DPYD: variants seen among roughly 807,000 people sequenced by gnomAD.
The protein encoded by DPYD is dihydropyrimidine dehydrogenase, also known as dihydropyrimidine dehydrogenase [NADP(+)].
In DPYD, 109 loss-of-function variants were observed where a neutral mutation model predicts 116.2. The observed-to-expected ratio is 0.94, with a 90% CI of 0.80 to 1.10. The LOEUF is 1.10. Among genes scored for constraint, DPYD ranks in the 50% least tolerant of loss-of-function variants. The probability of loss-of-function intolerance (pLI) is 0.00; values close to 1 mark genes in which losing one functional copy is unlikely to be tolerated. For synonymous variants in DPYD, 440 were observed against 432.0 expected, an observed-to-expected ratio of 1.02 and a Z score of -0.23; for missense variants, 1,302 against 1,254.5, an observed-to-expected ratio of 1.04 and a Z score of -0.57.
chr1:97,634,586 G>C (rs1657457026), intron 8 of DPYD, among the ~76,000 whole-genome samples: 1 of 152,054 alleles, frequency 6.6e-6, no homozygotes, highest in African/African-American at 2.4e-5. Flanking sequence ...AATTAGTGAT[G>C]ATACCAAGAA....
chr1:97,664,512 T>C (rs774710792), intron 8 of DPYD, among the ~76,000 whole-genome samples: 5 of 151,948 alleles, frequency 3.3e-5, no homozygotes, highest in Non-Finnish European at 7.4e-5. Flanking sequence ...CAAATATACA[T>C]GCATATATTG....
chr1:97,507,029 TC>T (rs1647390478), intron 13 of DPYD, among the ~76,000 whole-genome samples: 1 of 152,118 alleles, frequency 6.6e-6, no homozygotes, highest in Non-Finnish European at 1.5e-5. Flanking sequence ...ACATACAGGT[TC>T]TTTTGTTGAT....
intron 19 of DPYD, among the ~76,000 whole-genome samples, chr1:97,195,142 A>G (rs1658658233): frequency 6.6e-6 from 1 of 152,148 alleles, no homozygotes; most frequent in Admixed American, 6.5e-5. Flanking sequence ...TACAACATGA[A>G]TTCAACATAC....
At chr1:97,751,454 G>GTATATATATA (rs1457273757) in intron 3 of DPYD, among the ~76,000 whole-genome samples, 8 of 29,396 alleles carry the variant, frequency 2.7e-4, no homozygotes, top group Non-Finnish European at 3.8e-4. Context: ...GTGTGTGTGT[G>GTATATATATA]TGTGTGTATA....
At chr1:97,138,284 T>A (rs1325056682) in intron 20 of DPYD, among the ~76,000 whole-genome samples, 4 of 152,140 alleles carry the variant, frequency 2.6e-5, no homozygotes, top group Non-Finnish European at 4.4e-5. Context: ...TTGGAGGCCA[T>A]TTCTTCTGCC....
chr1:97,117,000 A>C (rs1652024277), intron 20 of DPYD, among the ~76,000 whole-genome samples: 1 of 151,384 alleles, frequency 6.6e-6, no homozygotes, highest in Non-Finnish European at 1.5e-5. Context: ...AATACAAAAA[A>C]AAAAAAAAAA....
chr1:97,615,311 A>T (rs901127916), intron 8 of DPYD, among the ~76,000 whole-genome samples: 1 of 152,102 alleles, frequency 6.6e-6, no homozygotes, highest in Non-Finnish European at 1.5e-5. Context: ...GAACTATGAG[A>T]TGATCATTGA....
At chr1:97,426,692 A>C (rs1255785565) in intron 14 of DPYD, among the ~76,000 whole-genome samples, 1 of 152,038 alleles carries the variant, frequency 6.6e-6, no homozygotes, top group Non-Finnish European at 1.5e-5. Flanking sequence ...TTTTTAAGGA[A>C]TACTCCTCTT....
At chr1:97,805,847 C>T (rs980949893) in intron 3 of DPYD, among the ~76,000 whole-genome samples, 2 of 151,772 alleles carry the variant, frequency 1.3e-5, no homozygotes, top group African/African-American at 4.8e-5. Context: ...CCACTGGACA[C>T]ATACTGAATT....
At chr1:97,102,656 AT>A (rs1333409152) in intron 20 of DPYD, among the ~76,000 whole-genome samples, 1 of 151,638 alleles carries the variant, frequency 6.6e-6, no homozygotes, top group Non-Finnish European at 1.5e-5. Flanking sequence ...TTTGACATTT[AT>A]TCAACAAATA....
intron 4 of DPYD, 99 bp downstream of exon 4, chr1:97,740,293 A>T: frequency 2.0e-6 from 2 of 995,454 alleles, no homozygotes; most frequent in East Asian, 4.9e-5. Context: ...TAATGGTTTA[A>T]CTGGATTTGC....
intron 16 of DPYD, chr1:97,308,412 A>G (rs1302713044): frequency 3.3e-5 from 5 of 151,870 alleles, no homozygotes; most frequent in Non-Finnish European, 7.4e-5. Flanking sequence ...CTGACTAATC[A>G]TCACAGCCAA....
chr1:97,178,595 C>T (rs1363801783), intron 20 of DPYD, among the ~76,000 whole-genome samples: 1 of 152,118 alleles, frequency 6.6e-6, no homozygotes, highest in Non-Finnish European at 1.5e-5. Flanking sequence ...CCACCCTTGA[C>T]ACATAGGGAT....
At chr1:97,661,612 A>G (rs879429577) in intron 8 of DPYD, among the ~76,000 whole-genome samples, 2 of 152,186 alleles carry the variant, frequency 1.3e-5, no homozygotes, top group Non-Finnish European at 2.9e-5. Context: ...ACAAAGCTCT[A>G]TGGAAGAAGC....
At chr1:97,417,985 TA>T (rs1488550635) in intron 14 of DPYD, among the ~76,000 whole-genome samples, 2 of 152,188 alleles carry the variant, frequency 1.3e-5, no homozygotes, top group South Asian at 4.1e-4. Context: ...CTTATTTTGA[TA>T]AAGACAAGCT....
At chr1:97,732,025 C>A (rs1022826261) in intron 4 of DPYD, among the ~76,000 whole-genome samples, 1 of 152,006 alleles carries the variant, frequency 6.6e-6, no homozygotes, top group African/African-American at 2.4e-5. Context: ...AATAAAAATC[C>A]TTTCTCATTT....
chr1:97,307,217 C>T (rs1052564114), intron 16 of DPYD, among the ~76,000 whole-genome samples: 1 of 151,726 alleles, frequency 6.6e-6, no homozygotes, highest in African/African-American at 2.4e-5. Flanking sequence ...TGATAAATTA[C>T]CTTAAAGTAT....
At chr1:97,566,824 A>T (rs1328111179) in intron 11 of DPYD, among the ~76,000 whole-genome samples, 2 of 152,168 alleles carry the variant, frequency 1.3e-5, no homozygotes, top group African/African-American at 4.8e-5. Context: ...AAAATAGAAC[A>T]TGATGTTAAC....
At chr1:97,450,317 G>A (rs1180589765) in intron 13 of DPYD, 94 bp from the exon 14 acceptor site, 6 of 1,369,516 alleles carry the variant, frequency 4.4e-6, no homozygotes, top group South Asian at 1.4e-5. Context: ...TATTTTATGA[G>A]GTCCCTTCTC....
Sources: allele counts gnomAD v4.1 joint callset (sites outside exome capture counted in the v4.1 genomes callset), GRCh38; gene constraint gnomAD v4.1.1; transcripts MANE v1.5; gene names NCBI Gene and HGNC (gene_info 2026-07-23, HGNC 2026-07-21).